ENOX1: variants seen among roughly 807,000 people sequenced by gnomAD.
The protein encoded by ENOX1 is ecto-NOX disulfide-thiol exchanger 1.
In ENOX1, 42 loss-of-function variants were observed where a neutral mutation model predicts 82.5. That is an observed-to-expected ratio of 0.51 (90% confidence interval 0.40 to 0.66). ENOX1 has a LOEUF of 0.66. Ranked by LOEUF, ENOX1 falls within the 30% of genes least tolerant of loss-of-function variation. The pLI is 0.00. For missense variants in ENOX1, 608 were observed against 811.6 expected (o/e 0.75, Z 3.05); for synonymous variants, 271 against 282.2 (o/e 0.96, Z 0.40).
At chr13:43,440,342 G>A (rs61959486) in intron 3 of ENOX1, among the ~76,000 whole-genome samples, 29,875 of 152,112 alleles carry the variant, frequency 0.2, 3,532 homozygotes, top group Middle Eastern at 0.31. Context: ...GTAGAAACAA[G>A]TGGCTAACTT....
chr13:43,452,857 T>C (rs571206791), intron 3 of ENOX1, among the ~76,000 whole-genome samples: 3 of 152,270 alleles, frequency 2.0e-5, no homozygotes, highest in African/African-American at 7.2e-5. Flanking sequence ...TTGTACCCCA[T>C]TGTTTGCATG....
chr13:43,723,796 C>A (rs2088737492), intron 1 of ENOX1, among the ~76,000 whole-genome samples: 1 of 151,742 alleles, frequency 6.6e-6, no homozygotes, highest in African/African-American at 2.4e-5. Flanking sequence ...CACACACATA[C>A]ACATGACAGG....
intron 1 of ENOX1, among the ~76,000 whole-genome samples, chr13:43,677,553 G>A (rs1464930922): frequency 2.0e-5 from 3 of 152,248 alleles, no homozygotes; most frequent in South Asian, 4.1e-4. Context: ...TCTCTAGAGC[G>A]CTCTTTCTCT....
At chr13:43,318,353 A>T (rs1239550431) in intron 11 of ENOX1, among the ~76,000 whole-genome samples, 1 of 152,188 alleles carries the variant, frequency 6.6e-6, no homozygotes, top group Non-Finnish European at 1.5e-5. Flanking sequence ...AACTGAAAAC[A>T]CTTTTTTCAA....
intron 1 of ENOX1, among the ~76,000 whole-genome samples, chr13:43,715,540 T>C (rs1376007365): frequency 6.6e-6 from 1 of 152,200 alleles, no homozygotes; most frequent in African/African-American, 2.4e-5. Flanking sequence ...GAAGTTCTCC[T>C]GGATAATATC....
At chr13:43,749,609 A>G (rs930532001) in intron 1 of ENOX1, among the ~76,000 whole-genome samples, 2 of 152,216 alleles carry the variant, frequency 1.3e-5, no homozygotes. Context: ...CTCACGGGCA[A>G]TTAGCAAGGT....
chr13:43,630,228 T>C (rs1468518666), intron 2 of ENOX1, among the ~76,000 whole-genome samples: 3 of 152,152 alleles, frequency 2.0e-5, no homozygotes, highest in Non-Finnish European at 4.4e-5. Context: ...GGGGCGGAAA[T>C]AAGCCATTGC....
chr13:43,395,813 C>T (rs1399022515), intron 5 of ENOX1, among the ~76,000 whole-genome samples: 2 of 152,170 alleles, frequency 1.3e-5, no homozygotes, highest in Admixed American at 1.3e-4. Context: ...GCCCATGCCA[C>T]GTAGGCTGCG....
chr13:43,521,958 T>C (rs1488840451), intron 2 of ENOX1, among the ~76,000 whole-genome samples: 2 of 152,138 alleles, frequency 1.3e-5, no homozygotes, highest in Non-Finnish European at 2.9e-5. Flanking sequence ...AGAAACTGTA[T>C]AGAATCATGT....
chr13:43,784,452 T>C (rs923603219), intron 1 of ENOX1, among the ~76,000 whole-genome samples: 1 of 152,254 alleles, frequency 6.6e-6, no homozygotes, highest in African/African-American at 2.4e-5. Context: ...TGTCTACTTA[T>C]ATAAAAATGA....
intron 9 of ENOX1, among the ~76,000 whole-genome samples, chr13:43,337,223 A>G (rs2048764426): frequency 6.6e-6 from 1 of 152,166 alleles, no homozygotes; most frequent in African/African-American, 2.4e-5. Context: ...TTGGTCAACA[A>G]CCAATATTTT....
intron 3 of ENOX1, among the ~76,000 whole-genome samples, chr13:43,441,161 T>C (rs182117087): frequency 7.9e-5 from 12 of 152,344 alleles, no homozygotes; most frequent in African/African-American, 2.4e-4. Flanking sequence ...CTATTGGTTG[T>C]ATAAATATAG....
At chr13:43,696,268 A>G (rs2086635455) in intron 1 of ENOX1, among the ~76,000 whole-genome samples, 1 of 152,222 alleles carries the variant, frequency 6.6e-6, no homozygotes, top group South Asian at 2.1e-4. Flanking sequence ...ATTCATGTAC[A>G]GGTACTTGTA....
At chr13:43,566,670 A>G (rs1354215275) in intron 2 of ENOX1, among the ~76,000 whole-genome samples, 3 of 151,934 alleles carry the variant, frequency 2.0e-5, no homozygotes, top group East Asian at 3.8e-4. Context: ...AAAGCTAAGA[A>G]CTTTGAGTTA....
chr13:43,339,732 G>C (rs1323912027), intron 9 of ENOX1, among the ~76,000 whole-genome samples: 2 of 152,298 alleles, frequency 1.3e-5, no homozygotes, highest in Admixed American at 1.3e-4. Flanking sequence ...AGCAGTTGGG[G>C]CTGCTATGGA....
chr13:43,726,444 T>C (rs142024778), intron 1 of ENOX1, among the ~76,000 whole-genome samples: 1 of 152,236 alleles, frequency 6.6e-6, no homozygotes, highest in East Asian at 1.9e-4. Context: ...CTCAAACTCC[T>C]GACCTCAAGT....
intron 3 of ENOX1, among the ~76,000 whole-genome samples, chr13:43,481,053 A>T (rs2058488081): frequency 6.6e-6 from 1 of 152,194 alleles, no homozygotes; most frequent in Non-Finnish European, 1.5e-5. Flanking sequence ...ACTACAGGCC[A>T]ATATCCCTGA....
chr13:43,775,233 C>G (rs1951849056), intron 1 of ENOX1, among the ~76,000 whole-genome samples: 3 of 152,122 alleles, frequency 2.0e-5, no homozygotes, highest in African/African-American at 4.8e-5. Context: ...ACTATAATCT[C>G]AAACTCCTCT....
At chr13:43,233,767 T>C (rs1233796503) in intron 15 of ENOX1, among the ~76,000 whole-genome samples, 1 of 152,200 alleles carries the variant, frequency 6.6e-6, no homozygotes, top group Non-Finnish European at 1.5e-5. Flanking sequence ...AGCATGCAGA[T>C]ATGATGAAGA....
Sources: allele counts gnomAD v4.1 joint callset (sites outside exome capture counted in the v4.1 genomes callset), GRCh38; gene constraint gnomAD v4.1.1; transcripts MANE v1.5; gene names NCBI Gene and HGNC (gene_info 2026-07-23, HGNC 2026-07-21).